Variants in MAP2K5 observed in about 807,000 individuals in gnomAD.
MAP2K5 encodes the protein mitogen-activated protein kinase kinase 5, also known as dual specificity mitogen-activated protein kinase kinase 5.
MAP2K5 carries 49 observed loss-of-function variants against 83.1 expected under a neutral mutation model. The ratio of observed to expected loss-of-function variants is 0.59; its 90% CI spans 0.47 to 0.75. The LOEUF is 0.75. MAP2K5 is among the 30% of genes least tolerant of loss of function. The pLI is 0.00. For synonymous variants in MAP2K5, 202 were observed against 191.8 expected (o/e 1.05, Z -0.44); for missense variants, 457 against 557.5 (o/e 0.82, Z 1.82).
chr15:67,586,080 C>A, intron 5 of MAP2K5, 150 bp downstream of exon 5: 1 of 708,748 alleles, frequency 1.4e-6, no homozygotes. Context: ...GGGGATTCAT[C>A]TGTAGTATTT....
At chr15:67,743,959 G>A (rs552111098) in intron 17 of MAP2K5, among the ~76,000 whole-genome samples, 2 of 152,310 alleles carry the variant, frequency 1.3e-5, no homozygotes, top group South Asian at 4.1e-4. Context: ...CAAAGTTCAT[G>A]CGTTTTCCTC....
Position 67,698,439 on chromosome 15 carries a change from C to T in MAP2K5, c.972+4871C>T, listed in dbSNP as rs1052917709. 6.6e-6 allele frequency among the ~76,000 whole-genome samples: 1 copy of T among 152,172 alleles called. No individual in the cohort carries two copies. Among genetic ancestry groups the T allele is most frequent in the African/African-American group, 2.4e-5 (1 of 41,446 alleles). On this transcript the variant is annotated intron_variant, in intron 15 of 21. Coordinates refer to ENST00000178640, the MANE Select transcript of MAP2K5 (RefSeq NM_145160.3). This position sits in a 1 kb window ranked among gnomAD's most constrained non-coding sequence, Gnocchi z 4.5. ...TCCTGGCCTCAAGTGATCCACCCTC[C>T]TTGGCCTCCCAAAGTGCTGGGATTA... is the stretch of plus-strand genomic sequence containing the variant.
At chr15:67,798,330 A>G (rs989559254) in intron 21 of MAP2K5, among the ~76,000 whole-genome samples, 3 of 152,204 alleles carry the variant, frequency 2.0e-5, no homozygotes, top group Admixed American at 6.5e-5. Context: ...GGCCCCTGCC[A>G]GAGCAGCCAC....
At chr15:67,731,226 A>G (rs1398338066) in intron 17 of MAP2K5, among the ~76,000 whole-genome samples, 1 of 152,194 alleles carries the variant, frequency 6.6e-6, no homozygotes, top group African/African-American at 2.4e-5. Context: ...CCCCCAGCTC[A>G]GTGTCAGTGC....
intron 1 of MAP2K5, among the ~76,000 whole-genome samples, chr15:67,549,487 G>T (rs1300548370): frequency 6.6e-6 from 1 of 152,202 alleles, no homozygotes; most frequent in Admixed American, 6.5e-5. Context: ...GCGAGGCACA[G>T]TGTTGCTTGT....
chr15:67,660,574 T>A (rs1160642244), intron 12 of MAP2K5, among the ~76,000 whole-genome samples: 1 of 152,118 alleles, frequency 6.6e-6, no homozygotes, highest in Non-Finnish European at 1.5e-5. Context: ...AGGGTGCCAT[T>A]GCCAAGTCAA....
intron 13 of MAP2K5, chr15:67,670,277 T>C: frequency 5.2e-6 from 2 of 387,698 alleles, no homozygotes. Context: ...TTTTCCATCC[T>C]ATGGGATGGA....
rs1234057497 is a variant in MAP2K5, at chr15:67,719,860, C to T, written c.1045-8056C>T. ...GTTGCTCTCATTAATCATGACTAAA[C>T]TTTATGTCTCTTTAACTCAGAGTCT... On this transcript the variant is annotated intron_variant, in intron 16 of 21. Coordinates refer to ENST00000178640, the MANE Select transcript of MAP2K5 (RefSeq NM_145160.3). This position sits in a 1 kb window ranked among gnomAD's most constrained non-coding sequence, Gnocchi z 4.6. Among the ~76,000 whole-genome samples the T allele has an allele frequency of 2.0e-5, 3 of 152,180 alleles. No individual in the cohort carries two copies. The highest frequency in any genetic ancestry group is 4.4e-5 in the Non-Finnish European group (3 of 68,014).
chr15:67,658,241 G>C (rs139011684), intron 11 of MAP2K5, among the ~76,000 whole-genome samples: 32 of 152,102 alleles, frequency 2.1e-4, no homozygotes, highest in African/African-American at 7.7e-4. Flanking sequence ...TAGTCATATT[G>C]ATCTTTATAA....
At chr15:67,550,249 CTGAG>C (rs1320389596) in intron 2 of MAP2K5, among the ~76,000 whole-genome samples, 167 bp downstream of exon 2, 7 of 152,172 alleles carry the variant, frequency 4.6e-5, no homozygotes, top group African/African-American at 9.7e-5. Context: ...TGATACTGAA[CTGAG>C]TAATATTTTC....
chr15:67,632,365 C>A (rs2086495101), intron 9 of MAP2K5, among the ~76,000 whole-genome samples: 2 of 152,086 alleles, frequency 1.3e-5, no homozygotes, highest in African/African-American at 4.8e-5. Flanking sequence ...CACCCGAAGT[C>A]CTGGGATTAT....
Position 67,550,042 on chromosome 15 carries a change from A to G in MAP2K5, c.144A>G (p.Ile48Met), listed in dbSNP as rs753187611. The change falls in exon 2 of 22, where the codon ATA (isoleucine) becomes ATG (methionine). Residue 48 changes from isoleucine to methionine, a missense_variant. Around this residue, in one of 3 missense-constraint regions of MAP2K5, gnomAD observed 234 missense variants for 243.6 expected, o/e 0.96. Coordinates refer to ENST00000178640, the MANE Select transcript of MAP2K5 (RefSeq NM_145160.3). Reference protein sequence around the residue: ...QLLFRDVLDVIGQVLPEATTT... With the variant: ...QLLFRDVLDVMGQVLPEATTT... ...ATTCTTTCTTTGTTTAGGATGTGAT[A>G]GGCCAGGTTCTGCCTGAAGCAACAA... 90 of 1,613,202 alleles carry G rather than the reference A, an allele frequency of 5.6e-5. No homozygotes were observed. The highest frequency in any genetic ancestry group is 9.9e-5 in the South Asian group (9 of 91,060).
At chr15:67,615,455 A>G (rs1274947756) in intron 8 of MAP2K5, among the ~76,000 whole-genome samples, 1 of 152,164 alleles carries the variant, frequency 6.6e-6, no homozygotes, top group Non-Finnish European at 1.5e-5. Context: ...TCCTGTTTTA[A>G]CAGCTAGAGC....
At chr15:67,803,428 A>T (rs1453002406) in intron 21 of MAP2K5, among the ~76,000 whole-genome samples, 3 of 152,196 alleles carry the variant, frequency 2.0e-5, no homozygotes, top group Non-Finnish European at 4.4e-5. Flanking sequence ...CTCATGAGGA[A>T]TGCCTGCATT....
chr15:67,604,759 G>T (rs1032279244), intron 8 of MAP2K5, among the ~76,000 whole-genome samples: 1 of 151,990 alleles, frequency 6.6e-6, no homozygotes, highest in African/African-American at 2.4e-5. Context: ...GCTGGGCATG[G>T]TGGTGGGCGC....
In MAP2K5 at chr15:67,806,953, G is replaced by A. The variant is rs1465212371; in HGVS notation, c.*203G>A. ...CCACCAGGCCATCCCCATACCTTCT[G>A]GTTTGAAGGCGCTGACACTGGCAGA... On this transcript the variant is annotated 3_prime_UTR_variant, in exon 22 of 22. Coordinates refer to ENST00000178640, the MANE Select transcript of MAP2K5 (RefSeq NM_145160.3). The A allele has an allele frequency of 3.9e-6, 6 of 1,556,170 alleles. No individual in the cohort carries two copies. In the South Asian group the frequency reaches 7.0e-5, roughly 18 times the overall value.
At chr15:67,710,154 C>A (rs1223657493) in intron 16 of MAP2K5, among the ~76,000 whole-genome samples, 1 of 152,146 alleles carries the variant, frequency 6.6e-6, no homozygotes, top group Admixed American at 6.5e-5. Flanking sequence ...ACCACCGCAC[C>A]CATCTGAAAG....
At chr15:67,730,693 CT>C (rs1457463559) in intron 17 of MAP2K5, among the ~76,000 whole-genome samples, 6 of 152,148 alleles carry the variant, frequency 3.9e-5, no homozygotes, top group Non-Finnish European at 7.4e-5. Flanking sequence ...TTCATATATC[CT>C]TAAGATCACA....
intron 2 of MAP2K5, among the ~76,000 whole-genome samples, chr15:67,557,212 TC>T (rs2140956159): frequency 6.6e-6 from 1 of 152,336 alleles, no homozygotes; most frequent in African/African-American, 2.4e-5. Flanking sequence ...TTACTTGTGT[TC>T]CTCTGCCAGC....
Sources: allele counts gnomAD v4.1 joint callset (sites outside exome capture counted in the v4.1 genomes callset), GRCh38; gene constraint gnomAD v4.1.1; regional missense constraint gnomAD v4.1.1; non-coding constraint Gnocchi (gnomAD v3.1); transcripts MANE v1.5; gene names NCBI Gene and HGNC (gene_info 2026-07-23, HGNC 2026-07-21).